The following CRYBG1 variants were observed in gnomAD, a reference collection of about 807,000 sequenced individuals.
CRYBG1 encodes the protein beta/gamma crystallin domain-containing protein 1.
CRYBG1 carries 139 observed loss-of-function variants against 189.2 expected under a neutral mutation model. That is an observed-to-expected ratio of 0.73 (90% CI 0.64 to 0.85). The LOEUF is 0.85. Among genes scored for constraint, CRYBG1 ranks in the 40% least tolerant of loss-of-function variants. CRYBG1 has a pLI of 0.00. For missense variants in CRYBG1, 2,611 were observed against 2,675.8 expected (o/e 0.98, Z 0.53); for synonymous variants, 1,023 against 1,017.1 (o/e 1.01, Z -0.11).
At position 106,520,614 on chromosome 6, in the gene CRYBG1, C is replaced by T; in HGVS notation, c.3406C>T (p.Pro1136Ser). ...KKARMPNSPA[P>S]HFAMPPIHED... Reference sequence around the variant, plus strand: ...GGCCAGGATGCCAAACTCTCCTGCTCCTCACTTTGCCATGCCTCCTATTCA... The same window carrying T: ...GGCCAGGATGCCAAACTCTCCTGCTTCTCACTTTGCCATGCCTCCTATTCA... Residue 1136 changes from proline to serine, a missense_variant, in exon 4 of 22, where the codon CCT becomes TCT. Pro to Ser is a moderately conservative substitution (Grantham distance 74, BLOSUM62 -1). Coordinates refer to ENST00000633556, the MANE Select transcript of CRYBG1 (RefSeq NM_001371242.2). 6.2e-7 allele frequency: 1 copy of T among 1,614,224 alleles called. No homozygotes were observed. Among genetic ancestry groups the T allele is most frequent in the South Asian group, 1.1e-5 (1 of 91,080 alleles).
rs1464231681 is a variant in CRYBG1, at chr6:106,571,570, A to C, written c.*3004A>C. ...AAAAACTAGCTGGGTGTGGTGATGCATACCTGTAGTCCTACCTACTTGAGA... is the reference window on the plus strand; with the variant it reads ...AAAAACTAGCTGGGTGTGGTGATGCCTACCTGTAGTCCTACCTACTTGAGA... On this transcript the variant is annotated 3_prime_UTR_variant, in exon 22 of 22. Transcript: ENST00000633556. 1.3e-5 allele frequency: 2 copies of C among 157,016 alleles called. No homozygotes were observed. Among genetic ancestry groups the C allele is most frequent in the Non-Finnish European group, 2.8e-5 (2 of 71,268 alleles). 9.7% of individuals were successfully genotyped at this position (157,016 alleles called of 1,614,324 possible).
At chr6:106,392,265 C>T (rs999179414) in intron 1 of CRYBG1, among the ~76,000 whole-genome samples, 3 of 152,054 alleles carry the variant, frequency 2.0e-5, no homozygotes, top group African/African-American at 7.2e-5. Context: ...CTGCTTCTCC[C>T]CTGCCACATA....
At chr6:106,413,211 A>C (rs950002931) in intron 1 of CRYBG1, among the ~76,000 whole-genome samples, 2 of 152,182 alleles carry the variant, frequency 1.3e-5, no homozygotes, top group Non-Finnish European at 2.9e-5. Context: ...TTGTGAAATC[A>C]GTATATTTCA....
intron 1 of CRYBG1, among the ~76,000 whole-genome samples, chr6:106,389,449 A>C (rs1388600676): frequency 6.6e-6 from 1 of 152,162 alleles, no homozygotes. Context: ...TACATGTCCA[A>C]TTAAAAATTT....
intron 10 of CRYBG1, among the ~76,000 whole-genome samples, chr6:106,542,100 T>A (rs1774143064): frequency 6.6e-6 from 1 of 151,420 alleles, no homozygotes; most frequent in South Asian, 2.1e-4. Context: ...TATGTGGTTC[T>A]AAATATCAGT....
At chr6:106,400,406 C>T (rs1290146232) in intron 1 of CRYBG1, among the ~76,000 whole-genome samples, 2 of 152,118 alleles carry the variant, frequency 1.3e-5, no homozygotes, top group African/African-American at 2.4e-5. Context: ...TGTAATTGTG[C>T]TTATGTTTTC....
At chr6:106,497,168 C>G (rs1772869890) in intron 2 of CRYBG1, among the ~76,000 whole-genome samples, 1 of 152,110 alleles carries the variant, frequency 6.6e-6, no homozygotes, top group African/African-American at 2.4e-5. Context: ...CCCCATGACA[C>G]CAGCCCAAGA....
intron 2 of CRYBG1, among the ~76,000 whole-genome samples, chr6:106,481,250 A>C (rs1161908215): frequency 3.4e-5 from 2 of 58,714 alleles, no homozygotes; most frequent in African/African-American, 9.1e-5. Flanking sequence ...CTGGGATTAC[A>C]GGCGTGAGCC....
At chr6:106,494,292 A>T (rs2114498100) in intron 2 of CRYBG1, among the ~76,000 whole-genome samples, 1 of 152,304 alleles carries the variant, frequency 6.6e-6, no homozygotes, top group East Asian at 1.9e-4. Flanking sequence ...AAGATGAAAA[A>T]GTTCTGGAGA....
Position 106,371,601 on chromosome 6 carries a change from G to A in CRYBG1, c.173+10520G>A, listed in dbSNP as rs1770033703. 2.0e-5 allele frequency among the ~76,000 whole-genome samples: 3 copies of A among 152,166 alleles called. No individual in the cohort carries two copies. In the South Asian group the frequency reaches 6.2e-4, roughly 32 times the overall value. On this transcript the variant is annotated intron_variant, in intron 1 of 21. Coordinates refer to ENST00000633556, the MANE Select transcript of CRYBG1 (RefSeq NM_001371242.2). ...TATCCAAAACAATTTTGTCTGGAGT[G>A]GACTCAATTATCAATCAGGAGTCCT...
intron 2 of CRYBG1, among the ~76,000 whole-genome samples, chr6:106,494,845 TA>T (rs1485779693): frequency 6.6e-6 from 1 of 152,138 alleles, no homozygotes. Context: ...TTTTGTTTTT[TA>T]AAAAAGTGTA....
Position 106,519,295 on chromosome 6 carries a change from C to G in CRYBG1, c.2087C>G (p.Thr696Ser). The change falls in exon 4 of 22, where the codon ACT becomes AGT. Residue 696 changes from threonine to serine, a missense_variant. By Grantham distance (58) the Thr-to-Ser change is moderately conservative (BLOSUM62 1). Transcript: ENST00000633556. ...CGGACAAACAGTAGCCCAAGACACA[C>G]TGACATTCGAGGCCAAAGGAATACT... is the stretch of plus-strand genomic sequence containing the variant. ...NKRTNSSPRHTDIRGQRNTPA... is the reference protein window; with the variant it reads ...NKRTNSSPRHSDIRGQRNTPA... 2 of 1,614,140 alleles carry G rather than the reference C, an allele frequency of 1.2e-6. No individual in the cohort carries two copies. Among genetic ancestry groups the G allele is most frequent in the South Asian group, 2.2e-5 (2 of 91,080 alleles).
intron 2 of CRYBG1, among the ~76,000 whole-genome samples, chr6:106,487,009 A>T (rs1772605247): frequency 6.7e-6 from 1 of 149,918 alleles, no homozygotes; most frequent in African/African-American, 2.5e-5. Flanking sequence ...TTTGTTGTTT[A>T]CCTCTGTGAC....
intron 20 of CRYBG1, among the ~76,000 whole-genome samples, chr6:106,562,153 G>A (rs541474900): frequency 6.6e-6 from 1 of 152,260 alleles, no homozygotes; most frequent in African/African-American, 2.4e-5. Flanking sequence ...AAAAAACCTG[G>A]TGCCCCGTGA....
At chr6:106,499,060 T>C (rs1381226807) in intron 2 of CRYBG1, among the ~76,000 whole-genome samples, 2 of 152,024 alleles carry the variant, frequency 1.3e-5, no homozygotes, top group East Asian at 3.8e-4. Context: ...TTTTTCATTG[T>C]AGTTATTCAT....
chr6:106,371,698 A>G (rs1009383355), intron 1 of CRYBG1, among the ~76,000 whole-genome samples: 2 of 152,224 alleles, frequency 1.3e-5, no homozygotes, highest in East Asian at 1.9e-4. Flanking sequence ...TGTTTAAACA[A>G]GCTTGTCTAA....
At chr6:106,476,835 C>T (rs1242578894) in intron 2 of CRYBG1, among the ~76,000 whole-genome samples, 2 of 152,154 alleles carry the variant, frequency 1.3e-5, no homozygotes. Flanking sequence ...TGGTTTAAAG[C>T]ATAGATTTTA....
intron 2 of CRYBG1, among the ~76,000 whole-genome samples, chr6:106,471,301 CA>C (rs2114467110): frequency 6.6e-6 from 1 of 152,268 alleles, no homozygotes; most frequent in South Asian, 2.1e-4. Context: ...AAGAAAAGAG[CA>C]GACAAGTTTT....
At chr6:106,540,144 C>A (rs909302742) in intron 9 of CRYBG1, among the ~76,000 whole-genome samples, 1 of 152,072 alleles carries the variant, frequency 6.6e-6, no homozygotes, top group Non-Finnish European at 1.5e-5. Flanking sequence ...CTTTGTGCTT[C>A]CTCTCCCTTG....
Sources: allele counts gnomAD v4.1 joint callset (sites outside exome capture counted in the v4.1 genomes callset), GRCh38; gene constraint gnomAD v4.1.1; transcripts MANE v1.5; gene names NCBI Gene and HGNC (gene_info 2026-07-23, HGNC 2026-07-21).